The following FARS2 variants were observed in gnomAD, a reference collection of about 807,000 sequenced individuals.
FARS2 encodes the protein phenylalanine--tRNA ligase, mitochondrial.
FARS2 carries 40 observed loss-of-function variants against 46.4 expected under a neutral mutation model. That is an observed-to-expected ratio of 0.86 (90% CI 0.67 to 1.12). The LOEUF (loss-of-function observed/expected upper bound fraction) is 1.12. Ranked by LOEUF, FARS2 falls within the 50% of genes most tolerant of loss-of-function variation. FARS2 has a pLI of 0.00. For missense variants in FARS2, 513 were observed against 567.9 expected, an observed-to-expected ratio of 0.90 and a Z score of 0.98; for synonymous variants, 234 against 214.9, an observed-to-expected ratio of 1.09 and a Z score of -0.78.
intron 4 of FARS2, among the ~76,000 whole-genome samples, chr6:5,524,085 C>G (rs1769315679): frequency 6.8e-6 from 1 of 146,346 alleles, no homozygotes; most frequent in African/African-American, 2.6e-5. Flanking sequence ...TCTTTTTAGC[C>G]TTTGGAACCT....
chr6:5,561,510 A>G (rs941123478), intron 5 of FARS2, among the ~76,000 whole-genome samples: 4 of 152,148 alleles, frequency 2.6e-5, no homozygotes, highest in African/African-American at 9.7e-5. Context: ...GCCTTCTGGA[A>G]AAGTCTAATA....
chr6:5,370,658 A>G (rs1401583669), intron 2 of FARS2, among the ~76,000 whole-genome samples: 1 of 152,198 alleles, frequency 6.6e-6, no homozygotes, highest in Non-Finnish European at 1.5e-5. Context: ...GCATGCCATG[A>G]AAGAGGCAAT....
At chr6:5,418,662 A>G (rs1762376782) in intron 3 of FARS2, among the ~76,000 whole-genome samples, 1 of 152,192 alleles carries the variant, frequency 6.6e-6, no homozygotes, top group Non-Finnish European at 1.5e-5. Flanking sequence ...GCAGATCTCC[A>G]GAGTTCTTCG....
At chr6:5,554,968 A>G (rs1771572331) in intron 5 of FARS2, among the ~76,000 whole-genome samples, 1 of 152,090 alleles carries the variant, frequency 6.6e-6, no homozygotes, top group Non-Finnish European at 1.5e-5. Context: ...GACACTTATT[A>G]AATAATATGT....
At chr6:5,558,222 C>T (rs1771779549) in intron 5 of FARS2, among the ~76,000 whole-genome samples, 1 of 152,144 alleles carries the variant, frequency 6.6e-6, no homozygotes, top group Non-Finnish European at 1.5e-5. Flanking sequence ...CAATCAGAGG[C>T]TCATTCTGCT....
At chr6:5,368,486 A>G (rs984354841) in intron 1 of FARS2, 64 bp from the exon 2 acceptor site, 44 of 1,444,354 alleles carry the variant, frequency 3.0e-5, no homozygotes, top group Non-Finnish European at 4.0e-5. Flanking sequence ...GGGAGATGCA[A>G]AGAACACACT....
chr6:5,303,903 T>C (rs1165111347), intron 1 of FARS2, among the ~76,000 whole-genome samples: 1 of 149,762 alleles, frequency 6.7e-6, no homozygotes, highest in Non-Finnish European at 1.5e-5. Flanking sequence ...TTGGCAATCA[T>C]TGACCAAGTA....
At chr6:5,338,371 T>G (rs1771310904) in intron 1 of FARS2, among the ~76,000 whole-genome samples, 1 of 152,236 alleles carries the variant, frequency 6.6e-6, no homozygotes, top group African/African-American at 2.4e-5. Flanking sequence ...TCTCTGGGTG[T>G]GTTTTCGTCT....
intron 5 of FARS2, among the ~76,000 whole-genome samples, chr6:5,556,057 A>G (rs998412333): frequency 2.6e-5 from 4 of 152,098 alleles, no homozygotes; most frequent in Admixed American, 2.0e-4. Context: ...CACTCCCACA[A>G]CTTCAGATGG....
chr6:5,692,145 C>T (rs1324209445), intron 6 of FARS2, among the ~76,000 whole-genome samples: 4 of 152,182 alleles, frequency 2.6e-5, no homozygotes, highest in Non-Finnish European at 5.9e-5. Context: ...CCGGGTGAGG[C>T]GATACCTTCC....
At chr6:5,637,092 C>T (rs906480740) in intron 6 of FARS2, among the ~76,000 whole-genome samples, 1 of 152,180 alleles carries the variant, frequency 6.6e-6, no homozygotes, top group Non-Finnish European at 1.5e-5. Flanking sequence ...GATCCAGAGC[C>T]GAATAGATGC....
rs377716183 is a variant in FARS2 at position 5,339,312 on chromosome 6, A to C, written c.-21-29238A>C. ...AAATATTCCTAATTGGCTCAAAGAT[A>C]ACTATATTTAAAATCATGTTTAATA... On this transcript the variant is annotated intron_variant, in intron 1 of 6. Coordinates refer to ENST00000274680, the MANE Select transcript of FARS2 (RefSeq NM_006567.5). Among the ~76,000 whole-genome samples the C allele has an allele frequency of 2.3e-4, 35 of 152,360 alleles. No homozygotes were observed. The South Asian group carries it at 6.4e-3, about 28-fold the overall frequency.
At chr6:5,627,625 G>C (rs1176546924) in intron 6 of FARS2, among the ~76,000 whole-genome samples, 4 of 152,154 alleles carry the variant, frequency 2.6e-5, no homozygotes, top group Non-Finnish European at 5.9e-5. Context: ...GTGTTTATAC[G>C]TCTTTTCATC....
intron 4 of FARS2, among the ~76,000 whole-genome samples, chr6:5,497,834 A>C (rs1485729557): frequency 6.6e-6 from 1 of 152,240 alleles, no homozygotes; most frequent in African/African-American, 2.4e-5. Context: ...CTAAATAAGT[A>C]ATTCATTAAC....
Position 5,630,704 on chromosome 6 carries a change from C to G in FARS2, c.1217+17384C>G, listed in dbSNP as rs924731083. ...GGCTGAAAGCGCTCCTGTCAGCCCT[C>G]TCTGAGAAGGGAGAATTACACAGAC... On this transcript the variant is annotated intron_variant, in intron 6 of 6. Coordinates refer to ENST00000274680, the MANE Select transcript of FARS2 (RefSeq NM_006567.5). This position sits in a 1 kb window ranked among gnomAD's most constrained non-coding sequence, Gnocchi z 4.2. 3.9e-5 allele frequency among the ~76,000 whole-genome samples: 6 copies of G among 152,208 alleles called. No individual in the cohort carries two copies. Among genetic ancestry groups the G allele is most frequent in the African/African-American group, 1.4e-4 (6 of 41,438 alleles).
chr6:5,418,299 C>T (rs553485793), intron 3 of FARS2, among the ~76,000 whole-genome samples: 2 of 152,298 alleles, frequency 1.3e-5, no homozygotes, highest in South Asian at 2.1e-4. Context: ...CCTTCTGATG[C>T]ATTGGATATT....
At chr6:5,383,794 CT>C (rs1371952393) in intron 2 of FARS2, among the ~76,000 whole-genome samples, 1 of 145,118 alleles carries the variant, frequency 6.9e-6, no homozygotes, top group Non-Finnish European at 1.5e-5. Flanking sequence ...GCTGTCTTTT[CT>C]GTTCTTTCCC....
intron 1 of FARS2, among the ~76,000 whole-genome samples, chr6:5,297,234 C>A (rs1435030461): frequency 6.6e-6 from 1 of 152,154 alleles, no homozygotes; most frequent in Non-Finnish European, 1.5e-5. Flanking sequence ...CACAGAGAGT[C>A]CAAGGGGCAT....
intron 6 of FARS2, among the ~76,000 whole-genome samples, chr6:5,748,671 A>G (rs1052591061): frequency 6.6e-6 from 1 of 152,272 alleles, no homozygotes; most frequent in Admixed American, 6.5e-5. Context: ...AAGACACACT[A>G]CTAGTCAGTG....
Sources: gnomAD v4.1 joint callset for allele counts (sites outside exome capture counted in the v4.1 genomes callset) on GRCh38, gnomAD v4.1.1 for gene constraint, Gnocchi (gnomAD v3.1) non-coding constraint, MANE v1.5 for transcripts, NCBI Gene and HGNC (gene_info 2026-07-23, HGNC 2026-07-21) for gene names.